ANK2: variants seen among roughly 807,000 people sequenced by gnomAD.
ANK2 encodes the protein ankyrin 2.
A neutral mutation model predicts 360.5 loss-of-function variants in ANK2; 83 were observed. The ratio of observed to expected loss-of-function variants is 0.23; its 90% CI spans 0.19 to 0.28. ANK2 has a LOEUF of 0.28. ANK2 is among the 10% of genes least tolerant of loss of function. ANK2 has a pLI of 1.00. For missense variants in ANK2, 4,201 were observed against 4,795.7 expected, an observed-to-expected ratio of 0.88 and a Z score of 3.66; for synonymous variants, 1,740 against 1,759.5, an observed-to-expected ratio of 0.99 and a Z score of 0.28.
intron 45 of ANK2, chr4:113,375,059 C>A: frequency 4.6e-6 from 2 of 435,032 alleles, no homozygotes; most frequent in Non-Finnish European, 6.2e-6. Context: ...TGGAAAGGTG[C>A]AGAATAATTC....
At chr4:112,738,412 CA>C in the ANK2 span, among the ~76,000 whole-genome samples, 2,184 of 51,028 alleles carry the variant, frequency 0.043, 35 homozygotes, top group African/African-American at 0.13. Flanking sequence ...GAGTCTGTCT[CA>C]AAAAAAAAAA....
intron 1 of ANK2, among the ~76,000 whole-genome samples, chr4:112,904,224 AG>A (rs1309910121): frequency 1.3e-5 from 2 of 152,200 alleles, no homozygotes; most frequent in Non-Finnish European, 2.9e-5. Flanking sequence ...ACAGATTAAT[AG>A]GCTATTTTTC....
intron 1 of ANK2, among the ~76,000 whole-genome samples, chr4:112,877,325 A>G (rs755958528): frequency 2.6e-5 from 4 of 152,132 alleles, no homozygotes; most frequent in African/African-American, 7.2e-5. Context: ...CATCAGTTCT[A>G]TTGCCTACTG....
intron 2 of ANK2, among the ~76,000 whole-genome samples, chr4:113,022,152 G>C (rs1396477134): frequency 6.6e-6 from 1 of 152,160 alleles, no homozygotes; most frequent in Non-Finnish European, 1.5e-5. Flanking sequence ...TTATCAATTT[G>C]TCCAATTAGT....
intron 1 of ANK2, among the ~76,000 whole-genome samples, chr4:112,872,871 T>C (rs979521107): frequency 6.6e-6 from 1 of 152,170 alleles, no homozygotes; most frequent in Non-Finnish European, 1.5e-5. Context: ...AAAATTTTTT[T>C]TTTAATTACT....
At chr4:113,373,669 G>T (rs1264507100) in intron 45 of ANK2, 1 of 741,228 alleles carries the variant, frequency 1.3e-6, no homozygotes, top group South Asian at 1.4e-5. Flanking sequence ...GTTTTTGTTT[G>T]GTCTTTTTAA....
At chr4:113,131,576 A>G (rs1468288172) in intron 1 of ANK2, among the ~76,000 whole-genome samples, 1 of 152,208 alleles carries the variant, frequency 6.6e-6, no homozygotes. Context: ...GGAATGCAAA[A>G]TTAAAACAAG....
chr4:112,738,827 G>T, the ANK2 span: 1 of 631,318 alleles, frequency 1.6e-6, no homozygotes. Context: ...TCAAGGCCCA[G>T]ATCTTGATGC....
the ANK2 span, among the ~76,000 whole-genome samples, chr4:112,746,735 A>G: frequency 6.6e-6 from 1 of 152,218 alleles, no homozygotes; most frequent in Non-Finnish European, 1.5e-5. Context: ...GAATGTCTTC[A>G]TTTTAATAAC....
chr4:113,160,411 T>C, intron 1 of ANK2: 1 of 369,426 alleles, frequency 2.7e-6, no homozygotes. Flanking sequence ...GGCAATGAGT[T>C]TCAGGTGAAT....
intron 1 of ANK2, among the ~76,000 whole-genome samples, chr4:113,125,764 T>C (rs1405132479): frequency 6.6e-6 from 1 of 152,176 alleles, no homozygotes; most frequent in Non-Finnish European, 1.5e-5. Flanking sequence ...GAGCTGACAC[T>C]ATGTCGTAGA....
intron 2 of ANK2, among the ~76,000 whole-genome samples, chr4:112,980,976 C>G (rs1033801012): frequency 6.6e-6 from 1 of 152,214 alleles, no homozygotes; most frequent in Admixed American, 6.5e-5. Context: ...CAAGAACTTA[C>G]AGCTGATAAG....
chr4:113,005,760 G>T (rs1331629415), intron 2 of ANK2, among the ~76,000 whole-genome samples: 1 of 152,130 alleles, frequency 6.6e-6, no homozygotes, highest in Non-Finnish European at 1.5e-5. Flanking sequence ...GGGCCTAGTG[G>T]GAGGCATTTG....
intron 1 of ANK2, among the ~76,000 whole-genome samples, chr4:113,103,495 T>C (rs1166737025): frequency 2.6e-5 from 4 of 152,166 alleles, no homozygotes; most frequent in Non-Finnish European, 5.9e-5. Context: ...AGAATGTCAG[T>C]GATGTTTTAA....
intron 1 of ANK2, among the ~76,000 whole-genome samples, chr4:112,841,546 C>G (rs955363598): frequency 2.6e-5 from 4 of 152,190 alleles, no homozygotes; most frequent in African/African-American, 9.7e-5. Context: ...AGAAGGAAAA[C>G]TGTGGACTGT....
chr4:112,928,490 C>CGAAA (rs2092827351), intron 2 of ANK2, among the ~76,000 whole-genome samples: 1 of 152,004 alleles, frequency 6.6e-6, no homozygotes, highest in African/African-American at 2.4e-5. Flanking sequence ...TGAACTGTGT[C>CGAAA]TTCTCTGAAT....
chr4:112,983,299 A>AT (rs2043708224), intron 2 of ANK2, among the ~76,000 whole-genome samples: 1 of 152,072 alleles, frequency 6.6e-6, no homozygotes, highest in African/African-American at 2.4e-5. Flanking sequence ...TAGTGACAAA[A>AT]ATAACTATGC....
chr4:113,273,785 T>C (rs1483505725), intron 14 of ANK2, among the ~76,000 whole-genome samples: 1 of 152,238 alleles, frequency 6.6e-6, no homozygotes, highest in East Asian at 1.9e-4. Context: ...TAGACCCAGC[T>C]ATATCCTCTG....
chr4:113,206,130 C>G (rs1361123769), intron 4 of ANK2, among the ~76,000 whole-genome samples: 1 of 151,930 alleles, frequency 6.6e-6, no homozygotes, highest in Non-Finnish European at 1.5e-5. Flanking sequence ...ATGTGCAGAA[C>G]ATGCAGGTTT....
Sources: gnomAD v4.1 joint callset for allele counts (sites outside exome capture counted in the v4.1 genomes callset) on GRCh38, gnomAD v4.1.1 for gene constraint, MANE v1.5 for transcripts, NCBI Gene and HGNC (gene_info 2026-07-23, HGNC 2026-07-21) for gene names.